The following TENM4 variants were observed in gnomAD, a reference collection of about 807,000 sequenced individuals.
TENM4 encodes teneurin-4.
A neutral mutation model predicts 243.3 loss-of-function variants in TENM4; 82 were observed. The ratio of observed to expected loss-of-function variants is 0.34; its 90% confidence interval spans 0.28 to 0.40. The LOEUF is 0.40. TENM4 is among the 10% of genes least tolerant of loss of function. The pLI is 1.00. For missense variants in TENM4, 3,138 were observed against 3,673.3 expected (o/e 0.85, Z 3.77); for synonymous variants, 1,412 against 1,456.3 (o/e 0.97, Z 0.69).
At chr11:79,083,937 A>C (rs80043372) in intron 4 of TENM4, among the ~76,000 whole-genome samples, 1,718 of 152,212 alleles carry the variant, frequency 0.011, 41 homozygotes, top group African/African-American at 0.04. Flanking sequence ...ATACTAACAA[A>C]GGAAGGCCTA....
chr11:79,400,077 C>A (rs1281026308), intron 1 of TENM4, among the ~76,000 whole-genome samples: 2 of 147,436 alleles, frequency 1.4e-5, no homozygotes, highest in Non-Finnish European at 3.0e-5. Flanking sequence ...TTCTAAATAC[C>A]TGGGAGACAC....
intron 4 of TENM4, among the ~76,000 whole-genome samples, chr11:79,106,950 T>G (rs928697468): frequency 3.9e-5 from 6 of 152,226 alleles, no homozygotes; most frequent in African/African-American, 1.4e-4. Context: ...TAGAATATAC[T>G]TTCTTATTTA....
chr11:79,251,821 AC>A (rs1251113081), intron 2 of TENM4, among the ~76,000 whole-genome samples: 12 of 152,194 alleles, frequency 7.9e-5, no homozygotes, highest in Admixed American at 5.9e-4. Flanking sequence ...TGAAAAAAAA[AC>A]ATTATCACTA....
At position 79,438,199 on chromosome 11, in the gene TENM4, C is replaced by A. The variant is rs562539648; in HGVS notation, c.-321+2310G>T. ...TTCAGGGCCAATGTGTCCCAGACTT[C>A]AGCGTTCCCCACGGCTGTGTCAGGG... On this transcript the variant is annotated intron_variant, in intron 1 of 33. Coordinates refer to ENST00000278550, the MANE Select transcript of TENM4 (RefSeq NM_001098816.3). The surrounding 1 kb of genome is among the most constrained non-coding windows in gnomAD (Gnocchi z 4.1). Among the ~76,000 whole-genome samples the A allele has an allele frequency of 6.6e-5, 10 of 152,260 alleles. No homozygotes were observed. In the South Asian group the frequency reaches 2.1e-3, roughly 32 times the overall value.
chr11:79,332,964 G>A (rs1159993778), intron 1 of TENM4, among the ~76,000 whole-genome samples: 3 of 152,226 alleles, frequency 2.0e-5, no homozygotes, highest in African/African-American at 7.2e-5. Flanking sequence ...CCTTCTACAT[G>A]ACAGGATTTG....
chr11:78,696,861 A>AT (rs201106860), intron 28 of TENM4, among the ~76,000 whole-genome samples: 64 of 147,506 alleles, frequency 4.3e-4, no homozygotes, highest in East Asian at 9.9e-4. Flanking sequence ...GGTATGTGGG[A>AT]TTTTTTTTTT....
chr11:78,874,060 C>T (rs1859204076), intron 9 of TENM4, among the ~76,000 whole-genome samples: 1 of 152,114 alleles, frequency 6.6e-6, no homozygotes, highest in Non-Finnish European at 1.5e-5. Flanking sequence ...TTCTGCCCCT[C>T]TCCCATAAAC....
chr11:79,281,301 T>C (rs1469947828), intron 2 of TENM4, among the ~76,000 whole-genome samples: 1 of 152,228 alleles, frequency 6.6e-6, no homozygotes, highest in East Asian at 1.9e-4. Flanking sequence ...GAAAGTTCAC[T>C]GATTTGTCTA....
intron 1 of TENM4, among the ~76,000 whole-genome samples, chr11:79,311,149 T>G (rs569389432): frequency 2.0e-5 from 3 of 152,180 alleles, no homozygotes; most frequent in Non-Finnish European, 4.4e-5. Context: ...AGAGTGTACA[T>G]AGGGCATTTC....
intron 6 of TENM4, among the ~76,000 whole-genome samples, chr11:78,952,334 G>C (rs1591157867): frequency 6.6e-6 from 1 of 152,234 alleles, no homozygotes; most frequent in Non-Finnish European, 1.5e-5. Flanking sequence ...CTCGAGGAAG[G>C]ATAGGGCTCT....
At chr11:78,895,251 G>T (rs1461865773) in intron 7 of TENM4, among the ~76,000 whole-genome samples, 1 of 151,516 alleles carries the variant, frequency 6.6e-6, no homozygotes. Flanking sequence ...CAGGAGAATC[G>T]CTTGGACCCA....
chr11:79,321,352 C>T (rs1050541046), intron 1 of TENM4, among the ~76,000 whole-genome samples: 14 of 152,302 alleles, frequency 9.2e-5, no homozygotes, highest in South Asian at 6.2e-4. Context: ...CAGCCTCAAA[C>T]GCTTCCCAAA....
At chr11:78,705,904 T>C (rs959365978) in intron 27 of TENM4, among the ~76,000 whole-genome samples, 10 of 152,334 alleles carry the variant, frequency 6.6e-5, no homozygotes, top group Non-Finnish European at 1.3e-4. Context: ...AATGAGACAA[T>C]GTACAAGGAA....
intron 6 of TENM4, among the ~76,000 whole-genome samples, chr11:78,907,775 A>G (rs1292602043): frequency 6.6e-6 from 1 of 152,234 alleles, no homozygotes; most frequent in African/African-American, 2.4e-5. Flanking sequence ...CTGCACAAGC[A>G]GTTGCTTCTC....
intron 1 of TENM4, among the ~76,000 whole-genome samples, chr11:79,312,027 G>A (rs12295244): frequency 0.19 from 28,864 of 152,092 alleles, 2,858 homozygotes; most frequent in African/African-American, 0.23. Context: ...GGGCTGGTGC[G>A]GACCCTCACC....
intron 12 of TENM4, among the ~76,000 whole-genome samples, chr11:78,832,726 T>C (rs1419101810): frequency 6.6e-6 from 1 of 152,234 alleles, no homozygotes; most frequent in Non-Finnish European, 1.5e-5. Flanking sequence ...TCCCAACTTG[T>C]TGCCTTTGCT....
intron 1 of TENM4, among the ~76,000 whole-genome samples, chr11:79,322,235 A>G (rs751262795): frequency 1.1e-4 from 16 of 152,046 alleles, no homozygotes; most frequent in Non-Finnish European, 1.0e-4. Flanking sequence ...CTGACTCAGG[A>G]AGCCTCTTTC....
chr11:79,195,582 T>A (rs937973263), intron 3 of TENM4, among the ~76,000 whole-genome samples: 3 of 152,182 alleles, frequency 2.0e-5, no homozygotes, highest in Non-Finnish European at 4.4e-5. Context: ...GATTTTGGAC[T>A]TTCATGGGCC....
intron 6 of TENM4, among the ~76,000 whole-genome samples, chr11:79,007,210 G>A (rs183798840): frequency 6.6e-6 from 1 of 152,110 alleles, no homozygotes; most frequent in Non-Finnish European, 1.5e-5. Flanking sequence ...CTAATACTGT[G>A]CCTAAATGCT....
Sources: allele counts gnomAD v4.1 joint callset (sites outside exome capture counted in the v4.1 genomes callset), GRCh38; gene constraint gnomAD v4.1.1; non-coding constraint Gnocchi (gnomAD v3.1); transcripts MANE v1.5; gene names NCBI Gene and HGNC (gene_info 2026-07-23, HGNC 2026-07-21).